The following ARHGAP42 variants were observed in gnomAD, a reference collection of about 807,000 sequenced individuals.
ARHGAP42 encodes rho GTPase-activating protein 42.
A neutral mutation model predicts 125.0 loss-of-function variants in ARHGAP42; 63 were observed. The observed-to-expected ratio is 0.50, with a 90% CI of 0.41 to 0.62. The LOEUF is 0.62. ARHGAP42 is among the 20% of genes least tolerant of loss of function. ARHGAP42 has a pLI of 0.00. For missense variants in ARHGAP42, 766 were observed against 1,024.2 expected (o/e 0.75, Z 3.44); for synonymous variants, 339 against 351.0 (o/e 0.97, Z 0.38).
chr11:100,687,886 G>A, intron 1 of ARHGAP42, 54 bp downstream of exon 1: 1 of 1,490,150 alleles, frequency 6.7e-7, no homozygotes, highest in African/African-American at 1.4e-5. Context: ...TCCCCGCGGG[G>A]TGCGGGTCCG....
intron 10 of ARHGAP42, among the ~76,000 whole-genome samples, chr11:100,945,713 A>G (rs1460994895): frequency 6.6e-6 from 1 of 152,110 alleles, no homozygotes; most frequent in East Asian, 1.9e-4. Flanking sequence ...AGTGGCTTAA[A>G]ATATTCAGTA....
chr11:100,704,411 C>T (rs1016262833), intron 1 of ARHGAP42, among the ~76,000 whole-genome samples: 4 of 152,124 alleles, frequency 2.6e-5, no homozygotes, highest in African/African-American at 4.8e-5. Context: ...AAAGAGAATG[C>T]AGATCCTGAA....
chr11:100,876,714 A>G (rs1865831671), intron 4 of ARHGAP42, among the ~76,000 whole-genome samples: 1 of 152,234 alleles, frequency 6.6e-6, no homozygotes. Context: ...TTGCAACTGA[A>G]CACATATATT....
At position 100,689,684 on chromosome 11, in the gene ARHGAP42, T is replaced by C. The variant is rs73571417; in HGVS notation, c.154+1852T>C. 8.4e-3 allele frequency among the ~76,000 whole-genome samples: 1,275 copies of C among 152,340 alleles called. 11 individuals carry two copies. The highest frequency in any genetic ancestry group is 0.029 in the African/African-American group (1,220 of 41,580). ...GCATCATTAATTTGGCTTATGCACT[T>C]AATTATACAACCTGCTATCTTTCTA... On this transcript the variant is annotated intron_variant, in intron 1 of 23. Transcript: ENST00000298815.
At chr11:100,716,094 G>C (rs1033773801) in intron 1 of ARHGAP42, among the ~76,000 whole-genome samples, 1 of 152,170 alleles carries the variant, frequency 6.6e-6, no homozygotes, top group Non-Finnish European at 1.5e-5. Context: ...TAACAAATGA[G>C]AAACGAGGGG....
At chr11:100,765,032 T>C (rs1862796649) in intron 1 of ARHGAP42, among the ~76,000 whole-genome samples, 1 of 152,146 alleles carries the variant, frequency 6.6e-6, no homozygotes, top group Non-Finnish European at 1.5e-5. Flanking sequence ...AAGGCCTTTT[T>C]TTTGGCAACG....
At chr11:100,864,706 T>C (rs1014476006) in intron 4 of ARHGAP42, among the ~76,000 whole-genome samples, 11 of 152,190 alleles carry the variant, frequency 7.2e-5, no homozygotes, top group African/African-American at 2.7e-4. Context: ...GAAGCCTTTC[T>C]ACTCCCTAGA....
intron 1 of ARHGAP42, among the ~76,000 whole-genome samples, chr11:100,723,403 T>C (rs1861799922): frequency 6.6e-6 from 1 of 152,244 alleles, no homozygotes; most frequent in South Asian, 2.1e-4. Context: ...AGTCTTCCTA[T>C]CTAGAAACAT....
intron 6 of ARHGAP42, among the ~76,000 whole-genome samples, chr11:100,923,165 A>G (rs1032537464): frequency 1.3e-5 from 2 of 152,088 alleles, no homozygotes; most frequent in African/African-American, 4.8e-5. Context: ...TCACCTTCCC[A>G]TTGACTAAGT....
intron 4 of ARHGAP42, among the ~76,000 whole-genome samples, chr11:100,871,373 C>T (rs901996103): frequency 1.2e-4 from 18 of 151,528 alleles, no homozygotes; most frequent in African/African-American, 3.9e-4. Flanking sequence ...GGTGAAACCC[C>T]CATCTCTACT....
intron 2 of ARHGAP42, among the ~76,000 whole-genome samples, chr11:100,781,429 C>T (rs1476819962): frequency 6.6e-6 from 1 of 151,942 alleles, no homozygotes; most frequent in East Asian, 1.9e-4. Flanking sequence ...CCTTCAGACC[C>T]AGAGGTGAAA....
intron 3 of ARHGAP42, among the ~76,000 whole-genome samples, chr11:100,811,646 T>G (rs1864145859): frequency 6.6e-6 from 1 of 151,700 alleles, no homozygotes; most frequent in African/African-American, 2.4e-5. Context: ...ATTATAGGAG[T>G]GCACCACCAC....
At chr11:100,921,632 TG>T in intron 6 of ARHGAP42, 28 bp downstream of exon 6, 1 of 1,380,376 alleles carries the variant, frequency 7.2e-7, no homozygotes, top group Non-Finnish European at 9.9e-7. Context: ...GTATAAATGG[TG>T]GGCTCAAAAC....
At chr11:100,826,544 A>G (rs1864518623) in intron 3 of ARHGAP42, among the ~76,000 whole-genome samples, 1 of 152,200 alleles carries the variant, frequency 6.6e-6, no homozygotes, top group Admixed American at 6.5e-5. Context: ...AGAATTTATT[A>G]TCATTACATT....
chr11:100,696,692 G>T (rs1233228655), intron 1 of ARHGAP42, among the ~76,000 whole-genome samples: 1 of 150,206 alleles, frequency 6.7e-6, no homozygotes, highest in Non-Finnish European at 1.5e-5. Flanking sequence ...TAGAGACAGG[G>T]TCTTGCTCTG....
chr11:100,901,304 G>A (rs1866539889), intron 4 of ARHGAP42, among the ~76,000 whole-genome samples: 1 of 152,152 alleles, frequency 6.6e-6, no homozygotes, highest in African/African-American at 2.4e-5. Flanking sequence ...AGGGGCACAT[G>A]CCTATATGAG....
At chr11:100,948,612 A>G (rs1868087925) in intron 11 of ARHGAP42, 77 bp downstream of exon 11, 2 of 1,174,464 alleles carry the variant, frequency 1.7e-6, no homozygotes, top group Admixed American at 2.5e-5. Context: ...TTTTCATAGT[A>G]TACAATGTTT....
intron 7 of ARHGAP42, 122 bp from the exon 8 acceptor site, chr11:100,936,081 C>T (rs903499227): frequency 2.7e-5 from 33 of 1,233,876 alleles, no homozygotes; most frequent in Non-Finnish European, 3.6e-5. Context: ...CATAATTGCA[C>T]CTGGTTGACA....
rs544568659 is a variant in ARHGAP42, at chr11:100,961,386, G to GAT, written c.1301-297_1301-296insTA. 3.5e-3 allele frequency among the ~76,000 whole-genome samples: 532 copies of GAT among 152,204 alleles called. 2 individuals are homozygous for GAT. Among genetic ancestry groups the GAT allele is most frequent in the African/African-American group, 0.012 (488 of 41,530 alleles). On this transcript the variant is annotated intron_variant, in intron 14 of 23. Coordinates refer to ENST00000298815, the MANE Select transcript of ARHGAP42 (RefSeq NM_152432.4). The stretch of plus-strand genomic sequence containing the variant: ...CTGCCTCTTAAGAGTTGTGAGGATT[G>GAT]ACTATGTTAATCTCCGTAAAGCACT...
Sources: allele counts gnomAD v4.1 joint callset (sites outside exome capture counted in the v4.1 genomes callset), GRCh38; gene constraint gnomAD v4.1.1; transcripts MANE v1.5; gene names NCBI Gene and HGNC (gene_info 2026-07-23, HGNC 2026-07-21).